The following KCNC2 variants were observed in gnomAD, a reference collection of about 807,000 sequenced individuals.
The protein encoded by KCNC2 is potassium voltage-gated channel subfamily C member 2, also known as voltage-gated potassium channel KCNC2.
In KCNC2, 21 loss-of-function variants were observed where a neutral mutation model predicts 44.5. The observed-to-expected ratio is 0.47, with a 90% CI of 0.33 to 0.68. The LOEUF is 0.68. Among genes scored for constraint, KCNC2 ranks in the 30% least tolerant of loss-of-function variants. The pLI, the probability that KCNC2 is intolerant of heterozygous loss-of-function variation, is 0.01. For synonymous variants in KCNC2, 391 were observed against 339.1 expected (o/e 1.15, Z -1.68); for missense variants, 589 against 826.2 (o/e 0.71, Z 3.52).
intron 3 of KCNC2, among the ~76,000 whole-genome samples, chr12:75,048,999 G>A (rs964341588): frequency 1.3e-5 from 2 of 152,074 alleles, no homozygotes; most frequent in African/African-American, 4.8e-5. Flanking sequence ...GGATGATAGT[G>A]TGTCCTCTTT....
At chr12:75,074,196 T>TC (rs1200936333) in intron 2 of KCNC2, among the ~76,000 whole-genome samples, 1 of 151,294 alleles carries the variant, frequency 6.6e-6, no homozygotes, top group Non-Finnish European at 1.5e-5. Context: ...GTAGGAGGTC[T>TC]GCAAGCTAGG....
At chr12:75,149,556 G>A (rs1362040437) in intron 2 of KCNC2, among the ~76,000 whole-genome samples, 4 of 151,746 alleles carry the variant, frequency 2.6e-5, no homozygotes, top group Non-Finnish European at 4.4e-5. Flanking sequence ...ATGATCAGCG[G>A]ATGTGGTATG....
intron 2 of KCNC2, among the ~76,000 whole-genome samples, chr12:75,206,474 G>T (rs1000976357): frequency 2.0e-5 from 3 of 152,060 alleles, no homozygotes; most frequent in Admixed American, 2.0e-4. Context: ...ACTAGAACCC[G>T]AAAAAGAACA....
intron 2 of KCNC2, among the ~76,000 whole-genome samples, chr12:75,083,331 T>C (rs1018391655): frequency 6.6e-6 from 1 of 151,814 alleles, no homozygotes; most frequent in African/African-American, 2.4e-5. Flanking sequence ...AAGGAATTGA[T>C]AACATATTTA....
intron 2 of KCNC2, among the ~76,000 whole-genome samples, chr12:75,124,338 G>C (rs1481774580): frequency 2.0e-5 from 3 of 152,158 alleles, no homozygotes; most frequent in Non-Finnish European, 4.4e-5. Flanking sequence ...CTAACCAGCT[G>C]TTTAATACTT....
At chr12:75,194,759 G>A (rs914941507) in intron 2 of KCNC2, among the ~76,000 whole-genome samples, 1 of 152,106 alleles carries the variant, frequency 6.6e-6, no homozygotes, top group African/African-American at 2.4e-5. Context: ...AAAATGACTA[G>A]GAGCATAGGT....
intron 2 of KCNC2, among the ~76,000 whole-genome samples, chr12:75,058,827 G>A (rs548501707): frequency 1.4e-4 from 21 of 152,052 alleles, no homozygotes; most frequent in African/African-American, 4.8e-4. Context: ...TTTCCATCCA[G>A]CTATGGGAGC....
At chr12:75,085,969 C>CT (rs912307189) in intron 2 of KCNC2, among the ~76,000 whole-genome samples, 6 of 151,866 alleles carry the variant, frequency 4.0e-5, no homozygotes, top group East Asian at 1.9e-4. Flanking sequence ...TCTCAGTACA[C>CT]TTTTTTTTCT....
intron 2 of KCNC2, among the ~76,000 whole-genome samples, chr12:75,153,514 G>T (rs978210966): frequency 1.3e-5 from 2 of 151,606 alleles, no homozygotes; most frequent in Non-Finnish European, 2.9e-5. Context: ...TGCTTAATGG[G>T]TACAAGGTAT....
At chr12:75,171,554 A>T (rs2137582158) in intron 2 of KCNC2, among the ~76,000 whole-genome samples, 1 of 152,022 alleles carries the variant, frequency 6.6e-6, no homozygotes, top group Non-Finnish European at 1.5e-5. Flanking sequence ...AAGCAAGACA[A>T]ATATCATATG....
intron 2 of KCNC2, among the ~76,000 whole-genome samples, chr12:75,052,116 A>T (rs1881243571): frequency 1.3e-5 from 2 of 152,072 alleles, no homozygotes; most frequent in African/African-American, 4.8e-5. Context: ...CAGAATAATA[A>T]AAAAAGCACT....
intron 2 of KCNC2, among the ~76,000 whole-genome samples, chr12:75,173,601 T>G (rs1304495128): frequency 2.0e-5 from 3 of 151,906 alleles, no homozygotes; most frequent in Non-Finnish European, 2.9e-5. Context: ...TGCCAATGAT[T>G]GCCATCTTTA....
At chr12:75,203,448 A>T (rs2031456119) in intron 2 of KCNC2, among the ~76,000 whole-genome samples, 2 of 151,902 alleles carry the variant, frequency 1.3e-5, no homozygotes. Context: ...TCGCTATCAC[A>T]ATCCCTGTAT....
intron 2 of KCNC2, among the ~76,000 whole-genome samples, chr12:75,071,972 C>T (rs1010276978): frequency 8.5e-6 from 1 of 117,760 alleles, no homozygotes; most frequent in African/African-American, 3.4e-5. Flanking sequence ...AAAGAGTTAA[C>T]TCTTCATAAA....
chr12:75,148,277 GAAT>G (rs1296968686), intron 2 of KCNC2, among the ~76,000 whole-genome samples: 12 of 152,034 alleles, frequency 7.9e-5, no homozygotes, highest in Non-Finnish European at 2.9e-5. Flanking sequence ...ACTAGTAAAA[GAAT>G]AAATGACATA....
rs2095624190 is a variant in KCNC2, at chr12:75,182,780, T to G, written c.687+24517A>C. On this transcript the variant is annotated intron_variant, in intron 2 of 4. Coordinates refer to ENST00000549446, the MANE Select transcript of KCNC2 (RefSeq NM_139137.4). ...TAATATTTCTGTAGCAATCAAAACA[T>G]TCACACTAAGTGGGATAAATAAAGA... is the stretch of plus-strand genomic sequence containing the variant. Among the ~76,000 whole-genome samples the G allele has an allele frequency of 1.3e-5, 2 of 152,214 alleles. 1 individual carries two copies. Among genetic ancestry groups the G allele is most frequent in the South Asian group, 4.1e-4 (2 of 4,834 alleles).
At chr12:75,140,024 C>T (rs972002057) in intron 2 of KCNC2, 1 of 152,116 alleles carries the variant, frequency 6.6e-6, no homozygotes, top group African/African-American at 2.4e-5. Context: ...GAATAAGAAT[C>T]ATATATTAAC....
chr12:75,123,023 G>A (rs10879887), intron 2 of KCNC2, among the ~76,000 whole-genome samples: 30,166 of 151,478 alleles, frequency 0.2, 3,467 homozygotes, highest in Admixed American at 0.27. Context: ...AAATAATTAC[G>A]CTAAATTAAA....
At chr12:75,164,740 G>A (rs1398754984) in intron 2 of KCNC2, among the ~76,000 whole-genome samples, 2 of 151,600 alleles carry the variant, frequency 1.3e-5, no homozygotes, top group Non-Finnish European at 3.0e-5. Flanking sequence ...TAATCTATGA[G>A]AATAGCCAAT....
Sources: allele counts gnomAD v4.1 joint callset (sites outside exome capture counted in the v4.1 genomes callset), GRCh38; gene constraint gnomAD v4.1.1; transcripts MANE v1.5; gene names NCBI Gene and HGNC (gene_info 2026-07-23, HGNC 2026-07-21).